PLXDC2: variants seen among roughly 807,000 people sequenced by gnomAD.
PLXDC2 encodes plexin domain containing 2, also known as plexin domain-containing protein 2.
PLXDC2 carries 40 observed loss-of-function variants against 68.9 expected under a neutral mutation model. The ratio of observed to expected loss-of-function variants is 0.58; its 90% CI spans 0.45 to 0.76. The LOEUF (loss-of-function observed/expected upper bound fraction) is 0.76. Among genes scored for constraint, PLXDC2 ranks in the 30% least tolerant of loss-of-function variants. The pLI, the probability that PLXDC2 is intolerant of heterozygous loss-of-function variation, is 0.00. For synonymous variants in PLXDC2, 243 were observed against 234.2 expected, an observed-to-expected ratio of 1.04 and a Z score of -0.34; for missense variants, 644 against 661.9, an observed-to-expected ratio of 0.97 and a Z score of 0.30.
rs141931253 is a variant in PLXDC2 at position 20,090,597 on chromosome 10, G to T, written c.541+22358G>T. On this transcript the variant is annotated intron_variant, in intron 4 of 13. Coordinates refer to ENST00000377252, the MANE Select transcript of PLXDC2 (RefSeq NM_032812.9). ...ATATAATATTTAAGGTACATTTAAT[G>T]CCTCCAGTAGAGTGATTCCTTAGCA... Among the ~76,000 whole-genome samples, 654 of 152,148 alleles carry T rather than the reference G, an allele frequency of 4.3e-3. 7 individuals carry two copies. The highest frequency in any genetic ancestry group is 0.015 in the African/African-American group (621 of 41,504).
intron 12 of PLXDC2, among the ~76,000 whole-genome samples, chr10:20,222,834 A>G (rs940863239): frequency 3.9e-5 from 6 of 152,156 alleles, no homozygotes; most frequent in African/African-American, 7.2e-5. Context: ...AAAAAAAATT[A>G]AATAAAAAAA....
intron 3 of PLXDC2, among the ~76,000 whole-genome samples, chr10:20,057,472 G>A (rs1472040232): frequency 1.3e-5 from 2 of 151,966 alleles, no homozygotes; most frequent in East Asian, 1.9e-4. Flanking sequence ...AATACCCTAC[G>A]CAAAATGGCC....
At chr10:20,273,414 T>C (rs1301900747) in intron 13 of PLXDC2, among the ~76,000 whole-genome samples, 2 of 152,336 alleles carry the variant, frequency 1.3e-5, no homozygotes, top group East Asian at 3.9e-4. Context: ...GGAGATGTTA[T>C]GAAAAGGATT....
chr10:20,134,936 G>A (rs1246227121), intron 4 of PLXDC2, among the ~76,000 whole-genome samples: 2 of 152,096 alleles, frequency 1.3e-5, no homozygotes, highest in African/African-American at 4.8e-5. Context: ...TCACCTGGAG[G>A]GTATATTTCT....
At chr10:20,273,884 A>G (rs1835971282) in intron 13 of PLXDC2, among the ~76,000 whole-genome samples, 1 of 152,112 alleles carries the variant, frequency 6.6e-6, no homozygotes, top group East Asian at 1.9e-4. Flanking sequence ...AAAAGTTTAA[A>G]AAATATTAGC....
intron 1 of PLXDC2, among the ~76,000 whole-genome samples, chr10:19,950,360 C>T (rs912063435): frequency 1.3e-5 from 2 of 152,072 alleles, no homozygotes; most frequent in African/African-American, 2.4e-5. Flanking sequence ...CATTTCTATA[C>T]ACCAATGTGT....
chr10:20,135,611 C>T (rs1833923453), intron 4 of PLXDC2, among the ~76,000 whole-genome samples: 1 of 152,132 alleles, frequency 6.6e-6, no homozygotes, highest in African/African-American at 2.4e-5. Context: ...CTATCTTCCC[C>T]TCTTCATATA....
intron 9 of PLXDC2, among the ~76,000 whole-genome samples, chr10:20,199,805 A>T (rs959086895): frequency 8.6e-5 from 13 of 151,990 alleles, no homozygotes; most frequent in Non-Finnish European, 1.5e-4. Context: ...CTACTCAAGG[A>T]AAAAATAAAA....
intron 1 of PLXDC2, among the ~76,000 whole-genome samples, chr10:19,974,713 C>G (rs970116866): frequency 2.6e-5 from 4 of 152,150 alleles, no homozygotes; most frequent in Non-Finnish European, 4.4e-5. Context: ...GGGACCGGGT[C>G]TGGTTTGCTT....
intron 4 of PLXDC2, 125 bp downstream of exon 4, chr10:20,068,364 C>G (rs1336171748): frequency 3.5e-6 from 3 of 859,622 alleles, no homozygotes; most frequent in Non-Finnish European, 5.3e-6. Context: ...ATCACAAAGT[C>G]ATAGGTATAA....
intron 2 of PLXDC2, among the ~76,000 whole-genome samples, chr10:20,021,677 TATTA>T (rs1835312232): frequency 1.7e-5 from 2 of 118,882 alleles, no homozygotes; most frequent in Non-Finnish European, 4.3e-5. Context: ...CATTTTTTTT[TATTA>T]TTTATTTATT....
At chr10:20,045,545 C>T (rs955509283) in intron 2 of PLXDC2, among the ~76,000 whole-genome samples, 4 of 152,114 alleles carry the variant, frequency 2.6e-5, no homozygotes, top group Admixed American at 2.6e-4. Flanking sequence ...CATAGTCTCT[C>T]TTTTAGTCAT....
chr10:20,074,795 C>A (rs2131713970), intron 4 of PLXDC2, among the ~76,000 whole-genome samples: 1 of 152,012 alleles, frequency 6.6e-6, no homozygotes, highest in East Asian at 1.9e-4. Flanking sequence ...AGTGTATAAC[C>A]CCATAAAACA....
chr10:20,164,649 T>A, intron 7 of PLXDC2, 82 bp downstream of exon 7: 1 of 1,033,768 alleles, frequency 9.7e-7, no homozygotes. Flanking sequence ...CAGCTGTACC[T>A]GAATTAAAAA....
At chr10:20,230,304 A>T (rs75695195) in intron 12 of PLXDC2, among the ~76,000 whole-genome samples, 3 of 152,272 alleles carry the variant, frequency 2.0e-5, no homozygotes, top group East Asian at 3.9e-4. Flanking sequence ...TGGAATGCCT[A>T]TATAAATATC....
chr10:20,176,382 G>A (rs1834526855), intron 7 of PLXDC2, among the ~76,000 whole-genome samples: 4 of 61,124 alleles, frequency 6.5e-5, no homozygotes, highest in Middle Eastern at 7.1e-3. Context: ...TCATCATCTC[G>A]CACAGTTATG....
In PLXDC2 at chr10:20,157,181, G is replaced by A. The variant is rs184499874; in HGVS notation, c.784-7287G>A. Among the ~76,000 whole-genome samples the A allele has an allele frequency of 8.9e-4, 135 of 152,352 alleles. 2 individuals are homozygous for A. Among genetic ancestry groups the A allele is most frequent in the South Asian group, 3.7e-3 (18 of 4,824 alleles). ...ACGAAGGAGAAAGTTAAGGGTTACA[G>A]GCAGATAAGAATGGGTAAAACAGAA... On this transcript the variant is annotated intron_variant, in intron 6 of 13. Transcript: ENST00000377252.
chr10:19,897,227 C>CTTT (rs558204823), intron 1 of PLXDC2, among the ~76,000 whole-genome samples: 13 of 139,966 alleles, frequency 9.3e-5, no homozygotes, highest in South Asian at 2.3e-4. Flanking sequence ...ATTCCCTTCT[C>CTTT]TTTTTTTTTT....
intron 1 of PLXDC2, among the ~76,000 whole-genome samples, chr10:19,952,552 A>T (rs945291887): frequency 6.6e-6 from 1 of 152,244 alleles, no homozygotes; most frequent in Non-Finnish European, 1.5e-5. Flanking sequence ...GAAATGCAGG[A>T]AATTCCATTT....
Sources: allele counts gnomAD v4.1 joint callset (sites outside exome capture counted in the v4.1 genomes callset), GRCh38; gene constraint gnomAD v4.1.1; transcripts MANE v1.5; gene names NCBI Gene and HGNC (gene_info 2026-07-23, HGNC 2026-07-21).